Variants in PHTF2 observed in about 807,000 individuals in gnomAD.
The protein encoded by PHTF2 is putative homeodomain transcription factor 2.
PHTF2 carries 60 observed loss-of-function variants against 101.2 expected under a neutral mutation model. That is an observed-to-expected ratio of 0.59 (90% CI 0.48 to 0.73). PHTF2 has a LOEUF of 0.73. Ranked by LOEUF, PHTF2 falls within the 30% of genes least tolerant of loss-of-function variation. PHTF2 has a pLI of 0.00. For missense variants in PHTF2, 747 were observed against 908.7 expected, an observed-to-expected ratio of 0.82 and a Z score of 2.29; for synonymous variants, 311 against 307.3, an observed-to-expected ratio of 1.01 and a Z score of -0.13.
rs548334963 is a variant in PHTF2, at chr7:77,903,085, CA to C, written c.445+1166del. On this transcript the variant is annotated intron_variant, in intron 7 of 19. Transcript: ENST00000416283. ...TGAGATTATTTTATATGAACAGCTACATTTTTTTTTACCTAATGTCATAATA... is the reference window on the plus strand; with the variant it reads ...TGAGATTATTTTATATGAACAGCTACTTTTTTTTTACCTAATGTCATAATA... 1.2e-4 allele frequency among the ~76,000 whole-genome samples: 18 copies of C among 152,166 alleles called. No homozygotes were observed. The East Asian group carries it at 2.7e-3, about 23-fold the overall frequency.
chr7:77,912,768 T>A (rs1019760631), intron 9 of PHTF2, among the ~76,000 whole-genome samples: 2 of 131,358 alleles, frequency 1.5e-5, no homozygotes, highest in East Asian at 4.8e-4. Context: ...GTCTCACTGC[T>A]GTAGTCCTTG....
intron 5 of PHTF2, among the ~76,000 whole-genome samples, chr7:77,895,650 A>G (rs1161211263): frequency 6.6e-6 from 1 of 152,120 alleles, no homozygotes; most frequent in Non-Finnish European, 1.5e-5. Context: ...ATTTGTATTC[A>G]CAAATTACTA....
At chr7:77,902,005 T>TC (rs1801436130) in intron 7 of PHTF2, 85 bp downstream of exon 6, 1 of 626,276 alleles carries the variant, frequency 1.6e-6, no homozygotes, top group Non-Finnish European at 2.5e-6. Context: ...ATATGCTAAC[T>TC]ACTACTGAGT....
At chr7:77,810,414 T>G (rs1371509786) in intron 1 of PHTF2, among the ~76,000 whole-genome samples, 1 of 152,230 alleles carries the variant, frequency 6.6e-6, no homozygotes, top group African/African-American at 2.4e-5. Context: ...CAGGATCACA[T>G]TCTGTGTTTA....
intron 3 of PHTF2, among the ~76,000 whole-genome samples, chr7:77,863,955 T>A (rs913425927): frequency 1.3e-5 from 2 of 152,090 alleles, no homozygotes; most frequent in Non-Finnish European, 2.9e-5. Context: ...TTTAAAAAAA[T>A]TTTCTGTAGG....
intron 3 of PHTF2, among the ~76,000 whole-genome samples, chr7:77,887,224 T>C (rs967851112): frequency 1.3e-5 from 2 of 152,088 alleles, no homozygotes; most frequent in Non-Finnish European, 2.9e-5. Flanking sequence ...TTAATTTCAG[T>C]TTTTACAGCA....
intron 3 of PHTF2, among the ~76,000 whole-genome samples, chr7:77,878,654 C>T (rs1799146555): frequency 6.6e-6 from 1 of 152,132 alleles, no homozygotes; most frequent in Non-Finnish European, 1.5e-5. Flanking sequence ...AGCTTGGCTA[C>T]TCCCAGGAAT....
At chr7:77,829,860 T>C (rs1233920899) in intron 1 of PHTF2, among the ~76,000 whole-genome samples, 1 of 152,232 alleles carries the variant, frequency 6.6e-6, no homozygotes, top group Non-Finnish European at 1.5e-5. Context: ...TATTGGTGAC[T>C]GAGTGACATG....
chr7:77,949,744 T>A (rs1160756636), exon 17 of PHTF2: 1 of 1,557,176 alleles, frequency 6.4e-7, no homozygotes, highest in African/African-American at 1.4e-5. Flanking sequence ...CTGGTGCATC[T>A]CGTTAACACT....
intron 12 of PHTF2, among the ~76,000 whole-genome samples, chr7:77,934,631 T>A (rs1014539989): frequency 8.5e-5 from 13 of 152,130 alleles, no homozygotes; most frequent in South Asian, 2.1e-4. Flanking sequence ...TAAAAAAAAA[T>A]TTTAAGTTCT....
At position 77,947,837 on chromosome 7, in the gene PHTF2, C is replaced by CTTTTTTTTTTTTTTTTTT; in HGVS notation, c.1960-1840_1960-1823dup. On this transcript the variant is annotated intron_variant, in intron 16 of 19. Transcript: ENST00000416283. The stretch of plus-strand genomic sequence containing the variant: ...TTATTTTCTTTTTTCTTTTTTCTTT[C>CTTTTTTTTTTTTTTTTTT]TTTTTTTTTTTTTTTTTTGAGACAG... Among the ~76,000 whole-genome samples the CTTTTTTTTTTTTTTTTTT allele has an allele frequency of 2.0e-3, 147 of 73,794 alleles. 23 individuals are homozygous for CTTTTTTTTTTTTTTTTTT. Among genetic ancestry groups the CTTTTTTTTTTTTTTTTTT allele is most frequent in the Middle Eastern group, 0.014 (1 of 74 alleles). 48.4% of individuals were successfully genotyped at this position (73,794 alleles called of 152,430 possible). A position where few individuals can be genotyped will look rare whatever the true frequency, so the allele number is the denominator to read the frequency against.
chr7:77,945,532 C>T (rs1010549144), intron 16 of PHTF2, among the ~76,000 whole-genome samples: 4 of 151,448 alleles, frequency 2.6e-5, no homozygotes, highest in African/African-American at 7.3e-5. Context: ...ATCTGGCTGT[C>T]GTATAGTCAA....
intron 1 of PHTF2, among the ~76,000 whole-genome samples, chr7:77,822,221 GGTTTCCCTGCTGTGCAGGAC>G (rs1304479181): frequency 6.6e-6 from 1 of 152,178 alleles, no homozygotes; most frequent in Non-Finnish European, 1.5e-5. Flanking sequence ...AAGGGAGGTT[GGTTTCCCTGCTGTGCAGGAC>G]TGGAGTCACA....
intron 16 of PHTF2, among the ~76,000 whole-genome samples, chr7:77,943,739 C>T (rs569728212): frequency 1.1e-4 from 17 of 152,082 alleles, no homozygotes; most frequent in Non-Finnish European, 2.2e-4. Flanking sequence ...TCAAACAGGC[C>T]GGGCACAGTG....
intron 3 of PHTF2, chr7:77,854,895 TG>T: frequency 4.3e-6 from 3 of 704,436 alleles, no homozygotes; most frequent in Non-Finnish European, 7.8e-6. Context: ...TGGCCCATGC[TG>T]GGTCCAGAAA....
intron 11 of PHTF2, among the ~76,000 whole-genome samples, chr7:77,928,186 CA>C (rs560832692): frequency 1.1e-3 from 144 of 130,222 alleles, no homozygotes; most frequent in Admixed American, 1.8e-3. Flanking sequence ...AGAGGACAGC[CA>C]AAAAAAAAAA....
At chr7:77,957,315 A>C (rs1807040964) in exon 20 of PHTF2, 1 of 151,208 alleles carries the variant, frequency 6.6e-6, no homozygotes, top group Non-Finnish European at 1.5e-5. Flanking sequence ...ATTTGGGGGG[A>C]GTGAAAATAA....
intron 15 of PHTF2, among the ~76,000 whole-genome samples, chr7:77,941,752 A>G (rs1366981432): frequency 6.6e-6 from 1 of 152,058 alleles, no homozygotes; most frequent in African/African-American, 2.4e-5. Flanking sequence ...ACCTCATGCT[A>G]CTTCAGTTAC....
intron 3 of PHTF2, among the ~76,000 whole-genome samples, chr7:77,864,898 T>C (rs1342846256): frequency 6.6e-6 from 1 of 152,208 alleles, no homozygotes; most frequent in Non-Finnish European, 1.5e-5. Context: ...TATGAACTTA[T>C]GGCTTTAAAG....
Sources: allele counts gnomAD v4.1 joint callset (sites outside exome capture counted in the v4.1 genomes callset), GRCh38; gene constraint gnomAD v4.1.1; transcripts MANE v1.5; gene names NCBI Gene and HGNC (gene_info 2026-07-23, HGNC 2026-07-21).